GUCY1A1: variants seen among roughly 807,000 people sequenced by gnomAD.
GUCY1A1 encodes the protein guanylate cyclase soluble subunit alpha-1.
A neutral mutation model predicts 64.5 loss-of-function variants in GUCY1A1; 48 were observed. That is an observed-to-expected ratio of 0.74 (90% CI 0.59 to 0.95). The LOEUF (loss-of-function observed/expected upper bound fraction) is 0.95. Among genes scored for constraint, GUCY1A1 ranks in the 40% least tolerant of loss-of-function variants. GUCY1A1 has a pLI of 0.00. For synonymous variants in GUCY1A1, 308 were observed against 303.4 expected, an observed-to-expected ratio of 1.02 and a Z score of -0.16; for missense variants, 804 against 825.3, an observed-to-expected ratio of 0.97 and a Z score of 0.32.
rs371315942 is a variant in GUCY1A1 at position 155,711,211 on chromosome 4, G to A, written c.1046G>A (p.Arg349Gln). Residue 349 changes from arginine (R) to glutamine (Q), a missense_variant, in exon 6 of 10, where the codon CGA (arginine) becomes CAA (glutamine). By Grantham distance (43) the Arg-to-Gln change is conservative. Coordinates refer to ENST00000506455, the MANE Select transcript of GUCY1A1 (RefSeq NM_001130682.3). ...ATGTTGAATATGCAGTTTGTTGTACGAGTGAGGAGATGGGACAACTCTGTG... is the reference window on the plus strand; with the variant it reads ...ATGTTGAATATGCAGTTTGTTGTACAAGTGAGGAGATGGGACAACTCTGTG... ...MTMLNMQFVV[R>Q]VRRWDNSVKK... 73 of 1,608,458 alleles carry A rather than the reference G, an allele frequency of 4.5e-5. 2 individuals are homozygous for A. In the South Asian group the frequency reaches 5.9e-4, roughly 13 times the overall value.
At chr4:155,682,268 T>C (rs983021083) in intron 2 of GUCY1A1, among the ~76,000 whole-genome samples, 8 of 152,264 alleles carry the variant, frequency 5.3e-5, no homozygotes, top group African/African-American at 1.9e-4. Flanking sequence ...GATGATTCTT[T>C]TGCCACCACC....
intron 3 of GUCY1A1, among the ~76,000 whole-genome samples, chr4:155,701,912 A>C (rs1731134279): frequency 6.6e-6 from 1 of 152,194 alleles, no homozygotes; most frequent in Non-Finnish European, 1.5e-5. Flanking sequence ...TTTGTAAACA[A>C]GCTAAGAGAG....
intron 2 of GUCY1A1, among the ~76,000 whole-genome samples, chr4:155,686,981 C>T (rs1729080535): frequency 6.6e-6 from 1 of 152,104 alleles, no homozygotes; most frequent in Non-Finnish European, 1.5e-5. Context: ...GGTATATTCT[C>T]TAATGCTCAT....
Position 155,713,222 on chromosome 4 carries a change from C to T in GUCY1A1, c.1211C>T (p.Pro404Leu). 1 of 1,614,080 alleles carries T rather than the reference C, an allele frequency of 6.2e-7. No individual in the cohort carries two copies. ...CGAGGGCTCTACCTCTCAGACATCC[C>T]AATTCACAATGCACTGAGGGATGTG... is the stretch of plus-strand genomic sequence containing the variant. Reference protein sequence around the residue: ...TGRGLYLSDIPIHNALRDVVL... With the variant: ...TGRGLYLSDILIHNALRDVVL... Residue 404 changes from proline (P) to leucine (L), a missense_variant, in exon 7 of 10, where the codon CCA (proline) becomes CTA (leucine). Physicochemically the swap from Pro to Leu is moderately conservative, Grantham distance 98 (BLOSUM62 -3). Transcript: ENST00000506455.
chr4:155,712,943 A>G (rs1196361632), intron 6 of GUCY1A1, among the ~76,000 whole-genome samples, 155 bp from the exon 7 acceptor site: 1 of 152,188 alleles, frequency 6.6e-6, no homozygotes, highest in Non-Finnish European at 1.5e-5. Context: ...GCATTTTAGA[A>G]CTCATAGAAA....
rs1219690851 is a variant in GUCY1A1, at chr4:155,736,721, CATATCTCTCAAT to C, written c.*6495_*6506del. ...AGTTTTCTTTTCAGCAAATATTTAA[CATATCTCTCAAT>C]ATATTTTTCACCAGTTTTTGGTAAA... On this transcript the variant is annotated 3_prime_UTR_variant, in exon 10 of 10. Transcript: ENST00000506455. 2.6e-5 allele frequency: 4 copies of C among 151,894 alleles called. No individual in the cohort carries two copies. Among genetic ancestry groups the C allele is most frequent in the Non-Finnish European group, 5.9e-5 (4 of 67,928 alleles). The allele number at this position is 151,894 out of a possible 1,614,324, so 9.4% of individuals were successfully genotyped here.
In GUCY1A1 at chr4:155,713,213, C is replaced by G; in HGVS notation, c.1202C>G (p.Ser401Ter). Residue 401 changes from serine (S) to a stop codon, truncating the protein, a stop_gained, in exon 7 of 10, where the codon TCA becomes TGA. Transcript: ENST00000506455. LOFTEE classifies it high-confidence loss of function. ...TTTACAGGACGAGGGCTCTACCTCT[C>G]AGACATCCCAATTCACAATGCACTG... Reference protein sequence around the residue: ...EDFTGRGLYLSDIPIHNALRD... With the variant: ...EDFTGRGLYL The G allele has an allele frequency of 6.2e-7, 1 of 1,614,084 alleles. No individual in the cohort carries two copies. Among genetic ancestry groups the G allele is most frequent in the South Asian group, 1.1e-5 (1 of 91,076 alleles).
Position 155,697,096 on chromosome 4 carries a change from A to G in GUCY1A1, c.229A>G (p.Ser77Gly). Residue 77 changes from serine to glycine, a missense_variant, in exon 3 of 10, where the codon AGT becomes GGT. Coordinates refer to ENST00000506455, the MANE Select transcript of GUCY1A1 (RefSeq NM_001130682.3). Reference sequence around the variant, plus strand: ...AGTCTATCTTCACACTTTGGCAGAGAGTATTTGCAAACTGATTTTCCCAGA... The same window carrying G: ...AGTCTATCTTCACACTTTGGCAGAGGGTATTTGCAAACTGATTTTCCCAGA... ...SRVYLHTLAESICKLIFPEFE... is the reference protein window; with the variant it reads ...SRVYLHTLAEGICKLIFPEFE... 6.2e-7 allele frequency: 1 copy of G among 1,613,490 alleles called. No individual in the cohort carries two copies. Among genetic ancestry groups the G allele is most frequent in the Non-Finnish European group, 8.5e-7 (1 of 1,179,458 alleles).
In GUCY1A1 at chr4:155,710,721, G is replaced by A. The variant is rs1732449873; in HGVS notation, c.556G>A (p.Glu186Lys). ...AGAAGCAGGAAAAAGGGGCAGGCTT[G>A]AGGACGCCTCCATTCTATGCCTGGA... Reference protein sequence around the residue: ...CQEAGKRGRLEDASILCLDKE... With the variant: ...CQEAGKRGRLKDASILCLDKE... Residue 186 changes from glutamate (E) to lysine (K), a missense_variant, in exon 6 of 10, where the codon GAG (glutamate) becomes AAG (lysine). Transcript: ENST00000506455. 6.2e-7 allele frequency: 1 copy of A among 1,614,136 alleles called. No homozygotes were observed. Among genetic ancestry groups the A allele is most frequent in the South Asian group, 1.1e-5 (1 of 91,088 alleles).
Position 155,722,023 on chromosome 4 carries a change from A to AT in GUCY1A1, c.1717-9dup. 1.3e-6 allele frequency: 2 copies of AT among 1,570,366 alleles called. No homozygotes were observed. The highest frequency in any genetic ancestry group is 1.8e-6 in the Non-Finnish European group (2 of 1,141,174). ...TACCAGTGACTGGGAACATCATGTT[A>AT]TTTTTTGCTTTCAGATGCGAATTGG... On this transcript the variant is annotated splice_polypyrimidine_tract_variant and intron_variant, in intron 8 of 9. Coordinates refer to ENST00000506455, the MANE Select transcript of GUCY1A1 (RefSeq NM_001130682.3).
At chr4:155,706,002 G>A (rs549154259) in intron 4 of GUCY1A1, among the ~76,000 whole-genome samples, 10 of 152,286 alleles carry the variant, frequency 6.6e-5, no homozygotes, top group African/African-American at 2.2e-4. Flanking sequence ...TTGGCAGCCA[G>A]TTTACTCAAA....
chr4:155,702,806 G>T (rs1465072999), intron 3 of GUCY1A1, among the ~76,000 whole-genome samples: 1 of 151,738 alleles, frequency 6.6e-6, no homozygotes, highest in Non-Finnish European at 1.5e-5. Flanking sequence ...ACAGAACCTT[G>T]ATCTATTTTG....
intron 2 of GUCY1A1, among the ~76,000 whole-genome samples, chr4:155,686,828 A>G (rs1729056372): frequency 6.6e-6 from 1 of 152,202 alleles, no homozygotes; most frequent in Non-Finnish European, 1.5e-5. Flanking sequence ...TATTTCATTA[A>G]AGGAATTAGA....
intron 4 of GUCY1A1, among the ~76,000 whole-genome samples, chr4:155,706,926 C>T (rs1054336269): frequency 5.3e-5 from 8 of 152,172 alleles, no homozygotes; most frequent in Non-Finnish European, 1.0e-4. Context: ...AATAAAAAAG[C>T]ATGCTATTAC....
chr4:155,668,908 C>T (rs1733745594), intron 2 of GUCY1A1, among the ~76,000 whole-genome samples: 1 of 152,052 alleles, frequency 6.6e-6, no homozygotes, highest in South Asian at 2.1e-4. Context: ...GCCGTGAAGT[C>T]CCTAAAATTG....
chr4:155,705,918 C>T (rs1452057168), intron 4 of GUCY1A1, among the ~76,000 whole-genome samples: 3 of 152,140 alleles, frequency 2.0e-5, no homozygotes, highest in African/African-American at 7.2e-5. Flanking sequence ...ACACCTCTGA[C>T]CTTAATAACC....
chr4:155,685,764 C>T (rs1251237504), intron 2 of GUCY1A1, among the ~76,000 whole-genome samples: 2 of 152,090 alleles, frequency 1.3e-5, no homozygotes, highest in Non-Finnish European at 2.9e-5. Flanking sequence ...TGTCCTTTCT[C>T]TCAAAGAGCT....
At chr4:155,707,367 C>G (rs1238219399) in intron 4 of GUCY1A1, among the ~76,000 whole-genome samples, 2 of 152,204 alleles carry the variant, frequency 1.3e-5, no homozygotes, top group South Asian at 4.1e-4. Flanking sequence ...TACATGTCCT[C>G]AGCAACTTAA....
At chr4:155,696,166 A>G (rs548838726) in intron 2 of GUCY1A1, among the ~76,000 whole-genome samples, 1 of 152,176 alleles carries the variant, frequency 6.6e-6, no homozygotes, top group South Asian at 2.1e-4. Context: ...AAATTGCTTT[A>G]CCATTTAAAG....
Sources: gnomAD v4.1 joint callset for allele counts (sites outside exome capture counted in the v4.1 genomes callset) on GRCh38, gnomAD v4.1.1 for gene constraint, MANE v1.5 for transcripts, NCBI Gene and HGNC (gene_info 2026-07-23, HGNC 2026-07-21) for gene names.